Variants in TSBP1 observed in about 807,000 individuals in gnomAD.
TSBP1 encodes testis expressed basic protein 1, also known as testis-expressed basic protein 1.
TSBP1 carries 56 observed loss-of-function variants against 68.8 expected under a neutral mutation model. The ratio of observed to expected loss-of-function variants is 0.81; its 90% CI spans 0.66 to 1.02. The LOEUF is 1.02. Ranked by LOEUF, TSBP1 falls within the 50% of genes least tolerant of loss-of-function variation. The pLI is 0.00. For missense variants in TSBP1, 502 were observed against 641.2 expected (o/e 0.78, Z 2.34); for synonymous variants, 171 against 208.7 (o/e 0.82, Z 1.56).
At chr6:32,369,967 G>A (rs764759953) in exon 2 of TSBP1, 1 of 1,611,710 alleles carries the variant, frequency 6.2e-7, no homozygotes, top group South Asian at 1.1e-5. Flanking sequence ...GAGTCAGGAT[G>A]ACAGCCAAAG....
rs1013025599 is a variant in TSBP1, at chr6:32,323,581, T to C, written c.538+10A>G. 10 of 1,611,562 alleles carry C rather than the reference T, an allele frequency of 6.2e-6. No homozygotes were observed. The highest frequency in any genetic ancestry group is 8.5e-6 in the Non-Finnish European group (10 of 1,179,006). ...CAACAGAAAAGAGTAGAAAAAGAAA[T>C]TGAACTTACCGCGGGGTGCTGAAGG... On this transcript the variant is annotated intron_variant, in intron 17 of 22. Transcript: ENST00000612031.
At chr6:32,326,042 T>C in intron 16 of TSBP1, 9 of 1,496,314 alleles carry the variant, frequency 6.0e-6, no homozygotes, top group Non-Finnish European at 8.3e-6. Context: ...TTTGGACCCA[T>C]GAAGGGAGGA....
At chr6:32,344,902 A>G (rs1229445264) in intron 9 of TSBP1, among the ~76,000 whole-genome samples, 1 of 152,046 alleles carries the variant, frequency 6.6e-6, no homozygotes, top group East Asian at 1.9e-4. Flanking sequence ...TCTGTTGCCC[A>G]GGTTGAAGTT....
intron 16 of TSBP1, among the ~76,000 whole-genome samples, chr6:32,328,696 C>T (rs1768566140): frequency 6.6e-6 from 1 of 152,112 alleles, no homozygotes; most frequent in African/African-American, 2.4e-5. Context: ...GGATTACAGG[C>T]ATGAGCCACC....
chr6:32,296,122 G>A (rs1251274377), intron 22 of TSBP1, among the ~76,000 whole-genome samples: 2 of 152,186 alleles, frequency 1.3e-5, no homozygotes, highest in Non-Finnish European at 2.9e-5. Context: ...GGGATTACAG[G>A]CGTGAGCCAC....
chr6:32,302,296 TAA>T lies in TSBP1; in HGVS notation c.601+311_601+312del, dbSNP rs1049949999. ...AGCAAGACTCAGTTTCTACAAAAAA[TAA>T]AAAAAAGTTAGCCAAGCATGGTGGC... On this transcript the variant is annotated intron_variant, in intron 20 of 22. Coordinates refer to ENST00000612031, the Ensembl canonical transcript of TSBP1. This position sits in a 1 kb window ranked among gnomAD's most constrained non-coding sequence, Gnocchi z 5.1. Among the ~76,000 whole-genome samples the T allele has an allele frequency of 6.6e-6, 1 of 151,296 alleles. No homozygotes were observed. The highest frequency in any genetic ancestry group is 1.5e-5 in the Non-Finnish European group (1 of 67,822).
rs138803851 is a variant in TSBP1, at chr6:32,335,459, TA to T, written c.452-3del. ...TACCAATGGTTTTTTGAGAGAGCTC[TA>T]AAAAAAAAAGAGAAAAGAAATCAGT... On this transcript the variant is annotated splice_polypyrimidine_tract_variant and splice_region_variant and intron_variant, in intron 13 of 22. Coordinates refer to ENST00000612031, the Ensembl canonical transcript of TSBP1. This position sits in a 1 kb window ranked among gnomAD's most constrained non-coding sequence, Gnocchi z 5.5. 5,098 of 1,307,954 alleles carry T rather than the reference TA, an allele frequency of 3.9e-3. 1 individual carries two copies. The highest frequency in any genetic ancestry group is 8.9e-3 in the South Asian group (563 of 63,022). The allele number at this position is 1,307,954 out of a possible 1,614,324, so 81.0% of individuals were successfully genotyped here.
intron 9 of TSBP1, among the ~76,000 whole-genome samples, chr6:32,348,759 G>A (rs1213551201): frequency 1.3e-5 from 2 of 151,998 alleles, no homozygotes. Flanking sequence ...TTTTCCTCAT[G>A]TGTAATATCT....
chr6:32,342,632 G>A (rs1770512834), intron 9 of TSBP1, among the ~76,000 whole-genome samples: 1 of 152,134 alleles, frequency 6.6e-6, no homozygotes, highest in Admixed American at 6.5e-5. Context: ...TAACTGCTAG[G>A]CAATACTCCT....
intron 2 of TSBP1, 138 bp downstream of exon 2, chr6:32,369,759 C>G (rs888222099): frequency 2.6e-6 from 2 of 769,602 alleles, no homozygotes; most frequent in Admixed American, 1.7e-5. Flanking sequence ...TTCTTTGACT[C>G]AAGTATTGAA....
chr6:32,354,777 T>C (rs1248171110), intron 8 of TSBP1, among the ~76,000 whole-genome samples: 1 of 151,984 alleles, frequency 6.6e-6, no homozygotes, highest in East Asian at 1.9e-4. Context: ...AAAATGCAAA[T>C]CGTAATGATA....
At position 32,367,900 on chromosome 6, in the gene TSBP1, G is replaced by C. The variant is rs116378041; in HGVS notation, c.166+25C>G. On this transcript the variant is annotated intron_variant, in intron 4 of 22. Coordinates refer to ENST00000612031, the Ensembl canonical transcript of TSBP1. Reference sequence around the variant, plus strand: ...TAAAGAGTATATTCCTTCATTAACTGTCTAGTAGTTCCTAATCTATTTACC... The same window carrying C: ...TAAAGAGTATATTCCTTCATTAACTCTCTAGTAGTTCCTAATCTATTTACC... 4.1e-4 allele frequency: 640 copies of C among 1,566,700 alleles called. 3 individuals carry two copies. In the African/African-American group the frequency reaches 6.9e-3, roughly 17 times the overall value.
rs367976493 is a variant in TSBP1 at position 32,335,402 on chromosome 6, T to C, written c.472+35A>G. 4.5e-5 allele frequency: 67 copies of C among 1,501,266 alleles called. 1 individual carries two copies. In the African/African-American group the frequency reaches 9.0e-4, roughly 20 times the overall value. 93.0% of individuals were successfully genotyped at this position (1,501,266 alleles called of 1,614,324 possible). On this transcript the variant is annotated intron_variant, in intron 14 of 22. Coordinates refer to ENST00000612031, the Ensembl canonical transcript of TSBP1. The surrounding 1 kb of genome is among the most constrained non-coding windows in gnomAD (Gnocchi z 5.5). Reference sequence around the variant, plus strand: ...TAGATTGATGTTCTAAGTAAAGTACTAAAAGGCATTATAATTGAGAATCAG... The same window carrying C: ...TAGATTGATGTTCTAAGTAAAGTACCAAAAGGCATTATAATTGAGAATCAG...
chr6:32,350,242 A>T (rs1429936044), intron 8 of TSBP1: 13 of 456,830 alleles, frequency 2.8e-5, no homozygotes, highest in Non-Finnish European at 4.8e-5. Flanking sequence ...TCCAAAATTC[A>T]CTTGTGCCCT....
intron 9 of TSBP1, among the ~76,000 whole-genome samples, chr6:32,344,533 T>A (rs1770755566): frequency 6.6e-6 from 1 of 152,056 alleles, no homozygotes. Flanking sequence ...CTTGCTCAAT[T>A]CCCTTGTAAA....
At position 32,370,407 on chromosome 6, in the gene TSBP1, G is replaced by GTGTGTGTGTGTATATATA. The variant is rs1241237254; in HGVS notation, c.14-425_14-424insTATATATACACACACACA. On this transcript the variant is annotated intron_variant, in intron 1 of 22. Coordinates refer to ENST00000612031, the Ensembl canonical transcript of TSBP1. ...TACCTTTAAAGTTGCAAGATTTTCT[G>GTGTGTGTGTGTATATATA]TATATATATATATATATATATATAT... 1.1e-3 allele frequency among the ~76,000 whole-genome samples: 143 copies of GTGTGTGTGTGTATATATA among 130,692 alleles called. 1 individual carries two copies. The highest frequency in any genetic ancestry group is 1.5e-3 in the Non-Finnish European group (91 of 61,020). The allele number at this position is 130,692 out of a possible 152,430, so 85.7% of individuals were successfully genotyped here. A position where few individuals can be genotyped will look rare whatever the true frequency, so the allele number is the denominator to read the frequency against.
At chr6:32,297,795 A>T (rs2127559348) in intron 22 of TSBP1, among the ~76,000 whole-genome samples, 1 of 152,258 alleles carries the variant, frequency 6.6e-6, no homozygotes, top group South Asian at 2.1e-4. Flanking sequence ...GCAGTGGCTC[A>T]CACCTGTAAT....
chr6:32,345,988 A>G (rs190568299), intron 9 of TSBP1, among the ~76,000 whole-genome samples: 8 of 150,806 alleles, frequency 5.3e-5, no homozygotes, highest in African/African-American at 1.7e-4. Context: ...TAATCCCAAA[A>G]TGTGTCATAT....
intron 19 of TSBP1, among the ~76,000 whole-genome samples, chr6:32,310,761 A>ATATATATATATATATTTTTTTTTT: frequency 6.9e-6 from 1 of 144,832 alleles, no homozygotes; most frequent in East Asian, 2.0e-4. Flanking sequence ...ATATATATAT[A>ATATATATATATATATTTTTTTTTT]TTTTTAATCT....
Sources: gnomAD v4.1 joint callset for allele counts (sites outside exome capture counted in the v4.1 genomes callset) on GRCh38, gnomAD v4.1.1 for gene constraint, Gnocchi (gnomAD v3.1) non-coding constraint, MANE v1.5 for transcripts, NCBI Gene and HGNC (gene_info 2026-07-23, HGNC 2026-07-21) for gene names.